Variants in ANKIB1 observed in about 807,000 individuals in gnomAD.
ANKIB1 encodes ankyrin repeat and IBR domain-containing protein 1.
In ANKIB1, 43 loss-of-function variants were observed where a neutral mutation model predicts 122.1. The observed-to-expected ratio is 0.35, with a 90% confidence interval of 0.28 to 0.45. The LOEUF (loss-of-function observed/expected upper bound fraction) is 0.45. Ranked by LOEUF, ANKIB1 falls within the 20% of genes least tolerant of loss-of-function variation. The pLI is 1.00. For synonymous variants in ANKIB1, 390 were observed against 442.0 expected (o/e 0.88, Z 1.48); for missense variants, 992 against 1,329.5 (o/e 0.75, Z 3.95).
At position 92,306,510 on chromosome 7, in the gene ANKIB1, G is replaced by A. The variant is rs540083285; in HGVS notation, c.189-849G>A. On this transcript the variant is annotated intron_variant, in intron 2 of 19. Coordinates refer to ENST00000265742, the MANE Select transcript of ANKIB1 (RefSeq NM_019004.2). ...TACTATGTGCTGTGGTCTGAATGGGGCATTGGAGGGTAATTAGATCACGAG... is the reference window on the plus strand; with the variant it reads ...TACTATGTGCTGTGGTCTGAATGGGACATTGGAGGGTAATTAGATCACGAG... 2.0e-5 allele frequency among the ~76,000 whole-genome samples: 3 copies of A among 152,196 alleles called. No homozygotes were observed. The South Asian group carries it at 6.2e-4, about 32-fold the overall frequency.
intron 1 of ANKIB1, among the ~76,000 whole-genome samples, chr7:92,272,470 A>G (rs1801817355): frequency 6.6e-6 from 1 of 152,198 alleles, no homozygotes; most frequent in South Asian, 2.1e-4. Context: ...GTAGGCTACT[A>G]GAGGATGTGC....
At position 92,351,411 on chromosome 7, in the gene ANKIB1, A is replaced by G. The variant is rs564407338; in HGVS notation, c.1230+317A>G. 2.6e-5 allele frequency among the ~76,000 whole-genome samples: 4 copies of G among 152,300 alleles called. No homozygotes were observed. The South Asian group carries it at 8.3e-4, about 32-fold the overall frequency. On this transcript the variant is annotated intron_variant, in intron 8 of 19. Coordinates refer to ENST00000265742, the MANE Select transcript of ANKIB1 (RefSeq NM_019004.2). ...ACTGATTGATCAAGATAATGTTCAAATTAGATTTTACCTACTTTAAGTTTT... is the reference window on the plus strand; with the variant it reads ...ACTGATTGATCAAGATAATGTTCAAGTTAGATTTTACCTACTTTAAGTTTT...
intron 11 of ANKIB1, among the ~76,000 whole-genome samples, chr7:92,381,542 C>T (rs963643372): frequency 5.3e-5 from 8 of 152,202 alleles, no homozygotes; most frequent in Non-Finnish European, 1.2e-4. Flanking sequence ...CAGCGGATCT[C>T]TTGGCAGAAA....
rs1418906902 is a variant in ANKIB1 at position 92,352,466 on chromosome 7, G to A, written c.1231-10G>A. 1.9e-6 allele frequency: 3 copies of A among 1,612,534 alleles called. No homozygotes were observed. The highest frequency in any genetic ancestry group is 2.2e-5 in the South Asian group (2 of 90,740). ...TTTTCTTTTGTGTTTTGTTATTGCT[G>A]TTTAAACAGGCCTTTGTTGAAAATA... On this transcript the variant is annotated splice_polypyrimidine_tract_variant and intron_variant, in intron 8 of 19. Coordinates refer to ENST00000265742, the MANE Select transcript of ANKIB1 (RefSeq NM_019004.2).
intron 5 of ANKIB1, among the ~76,000 whole-genome samples, chr7:92,342,055 A>G (rs1803451421): frequency 6.6e-6 from 1 of 150,378 alleles, no homozygotes; most frequent in South Asian, 2.1e-4. Context: ...ATATAGTTGA[A>G]AAAAAAAAAC....
At chr7:92,276,981 T>C (rs1418062437) in intron 1 of ANKIB1, among the ~76,000 whole-genome samples, 1 of 152,212 alleles carries the variant, frequency 6.6e-6, no homozygotes, top group Non-Finnish European at 1.5e-5. Flanking sequence ...CCCCTTGCTG[T>C]GATAAAGAGT....
chr7:92,303,284 A>C (rs933905102), intron 2 of ANKIB1, among the ~76,000 whole-genome samples: 1 of 152,152 alleles, frequency 6.6e-6, no homozygotes, highest in Non-Finnish European at 1.5e-5. Flanking sequence ...CACATGCAAA[A>C]ATTTGAAATC....
intron 4 of ANKIB1, among the ~76,000 whole-genome samples, chr7:92,327,219 A>C (rs951580833): frequency 6.6e-6 from 1 of 152,258 alleles, no homozygotes; most frequent in Admixed American, 6.5e-5. Context: ...TAGAATGATA[A>C]GGTACATGAG....
chr7:92,358,898 C>T (rs1363785927), intron 9 of ANKIB1, among the ~76,000 whole-genome samples: 1 of 151,896 alleles, frequency 6.6e-6, no homozygotes, highest in Admixed American at 6.6e-5. Context: ...ATTCTGCATT[C>T]CCACCTGTGT....
At position 92,365,111 on chromosome 7, in the gene ANKIB1, GT is replaced by G. The variant is rs1425098858; in HGVS notation, c.1486+2842del. The stretch of plus-strand genomic sequence containing the variant: ...ATTTAATTAACGTTTATTGAGTGCT[GT>G]TTTATGTTAGAATACAGAAGTAAAT... On this transcript the variant is annotated intron_variant, in intron 10 of 19. Transcript: ENST00000265742. Among the ~76,000 whole-genome samples the G allele has an allele frequency of 2.6e-5, 4 of 152,236 alleles. No individual in the cohort carries two copies. The South Asian group carries it at 6.2e-4, about 24-fold the overall frequency.
At chr7:92,371,724 T>C (rs866594937) in intron 11 of ANKIB1, 117 bp downstream of exon 11, 16 of 1,185,342 alleles carry the variant, frequency 1.3e-5, no homozygotes, top group Middle Eastern at 2.7e-4. Flanking sequence ...TTGCCTATAA[T>C]CCCAGCACTT....
intron 4 of ANKIB1, among the ~76,000 whole-genome samples, chr7:92,324,489 C>T (rs1196272462): frequency 6.6e-6 from 1 of 152,212 alleles, no homozygotes; most frequent in Non-Finnish European, 1.5e-5. Flanking sequence ...CCACCTCGGC[C>T]TCCCAAAGTG....
chr7:92,249,669 G>A (rs1337391337), intron 1 of ANKIB1, among the ~76,000 whole-genome samples: 4 of 151,812 alleles, frequency 2.6e-5, no homozygotes, highest in African/African-American at 9.7e-5. Context: ...GCAGTGAGCT[G>A]AGATCGCACC....
At chr7:92,395,229 C>T (rs1348557284) in intron 17 of ANKIB1, among the ~76,000 whole-genome samples, 1 of 152,196 alleles carries the variant, frequency 6.6e-6, no homozygotes, top group African/African-American at 2.4e-5. Flanking sequence ...AACATTGTCA[C>T]AAATGTGGAA....
At chr7:92,309,404 G>A (rs898726608) in intron 3 of ANKIB1, among the ~76,000 whole-genome samples, 2 of 152,130 alleles carry the variant, frequency 1.3e-5, no homozygotes, top group Non-Finnish European at 2.9e-5. Context: ...GTTTTCTAAC[G>A]TTGATTCACT....
rs1178100415 is a variant in ANKIB1 at position 92,273,957 on chromosome 7, G to A, written c.-90-20932G>A. ...CTGGCTAGTTTTTTTATTTTTTGTAGAGATGAAGTCCCACTATGTTGTCCG... is the reference window on the plus strand; with the variant it reads ...CTGGCTAGTTTTTTTATTTTTTGTAAAGATGAAGTCCCACTATGTTGTCCG... On this transcript the variant is annotated intron_variant, in intron 1 of 19. Coordinates refer to ENST00000265742, the MANE Select transcript of ANKIB1 (RefSeq NM_019004.2). Among the ~76,000 whole-genome samples, 5 of 151,834 alleles carry A rather than the reference G, an allele frequency of 3.3e-5. No homozygotes were observed. In the East Asian group the frequency reaches 9.7e-4, roughly 29 times the overall value.
chr7:92,250,855 C>T (rs191649774), intron 1 of ANKIB1, among the ~76,000 whole-genome samples: 3 of 152,238 alleles, frequency 2.0e-5, no homozygotes, highest in Admixed American at 1.3e-4. Flanking sequence ...TCTCCAAAAG[C>T]CTTATTTTTA....
intron 6 of ANKIB1, among the ~76,000 whole-genome samples, chr7:92,343,845 TA>T (rs1803482501): frequency 6.6e-6 from 1 of 152,224 alleles, no homozygotes; most frequent in African/African-American, 2.4e-5. Flanking sequence ...GTTTGTTATC[TA>T]GATGCATTTC....
chr7:92,351,811 C>T (rs1479426875), intron 8 of ANKIB1, among the ~76,000 whole-genome samples: 1 of 149,150 alleles, frequency 6.7e-6, no homozygotes, highest in Non-Finnish European at 1.5e-5. Flanking sequence ...ACCTCTGCGT[C>T]CAAGGTTCAA....
Sources: allele counts gnomAD v4.1 joint callset (sites outside exome capture counted in the v4.1 genomes callset), GRCh38; gene constraint gnomAD v4.1.1; transcripts MANE v1.5; gene names NCBI Gene and HGNC (gene_info 2026-07-23, HGNC 2026-07-21).